CPA6: variants seen among roughly 807,000 people sequenced by gnomAD.
The protein encoded by CPA6 is carboxypeptidase A6.
In CPA6, 58 loss-of-function variants were observed where a neutral mutation model predicts 63.3. The ratio of observed to expected loss-of-function variants is 0.92; its 90% CI spans 0.74 to 1.14. CPA6 has a LOEUF of 1.14. Ranked by LOEUF, CPA6 falls within the 50% of genes most tolerant of loss-of-function variation. The probability of loss-of-function intolerance (pLI) is 0.00; values close to 1 mark genes in which losing one functional copy is unlikely to be tolerated. For missense variants in CPA6, 565 were observed against 526.6 expected (o/e 1.07, Z -0.71); for synonymous variants, 185 against 179.0 (o/e 1.03, Z -0.27).
chr8:67,607,000 T>C (rs982861376), intron 2 of CPA6, among the ~76,000 whole-genome samples: 8 of 152,122 alleles, frequency 5.3e-5, no homozygotes, highest in African/African-American at 1.4e-4. Context: ...GGGCTTCTGG[T>C]TTATTTTCTC....
intron 3 of CPA6, among the ~76,000 whole-genome samples, chr8:67,513,800 T>C (rs1288840021): frequency 2.0e-5 from 3 of 152,186 alleles, no homozygotes; most frequent in Non-Finnish European, 4.4e-5. Flanking sequence ...TAAACTGTTG[T>C]AGTTTCTTAC....
chr8:67,722,511 C>T (rs1046696598), intron 1 of CPA6, among the ~76,000 whole-genome samples: 3 of 152,192 alleles, frequency 2.0e-5, no homozygotes, highest in African/African-American at 7.2e-5. Context: ...TCTGAGCTTA[C>T]ATATCCTATA....
At chr8:67,685,957 T>C (rs1816701117) in intron 1 of CPA6, among the ~76,000 whole-genome samples, 1 of 152,232 alleles carries the variant, frequency 6.6e-6, no homozygotes, top group South Asian at 2.1e-4. Flanking sequence ...CAATCCATCC[T>C]ACCTTTCAAT....
At chr8:67,710,961 T>C (rs1157010657) in intron 1 of CPA6, among the ~76,000 whole-genome samples, 2 of 152,220 alleles carry the variant, frequency 1.3e-5, no homozygotes, top group Non-Finnish European at 2.9e-5. Context: ...TACAAAGTAA[T>C]GCTCTCCATA....
intron 3 of CPA6, among the ~76,000 whole-genome samples, chr8:67,512,075 G>A (rs1458236733): frequency 6.6e-6 from 1 of 152,108 alleles, no homozygotes; most frequent in Non-Finnish European, 1.5e-5. Context: ...TTTATAAAAT[G>A]GGGAAACTGA....
chr8:67,444,762 ACT>A (rs1353606519), intron 8 of CPA6, among the ~76,000 whole-genome samples: 1 of 145,228 alleles, frequency 6.9e-6, no homozygotes, highest in Admixed American at 7.0e-5. Context: ...ACAGAGCGAG[ACT>A]CTGTCTCAAA....
intron 2 of CPA6, among the ~76,000 whole-genome samples, chr8:67,586,059 G>C (rs1430668701): frequency 1.3e-5 from 2 of 152,146 alleles, no homozygotes; most frequent in African/African-American, 4.8e-5. Flanking sequence ...CAAGGGATCT[G>C]GATGAGAATA....
At chr8:67,431,649 T>C (rs1359215063) in intron 9 of CPA6, among the ~76,000 whole-genome samples, 2 of 152,142 alleles carry the variant, frequency 1.3e-5, no homozygotes, top group Admixed American at 1.3e-4. Context: ...GTGATACAAA[T>C]TGTTAGGGTG....
intron 2 of CPA6, among the ~76,000 whole-genome samples, chr8:67,611,381 G>A (rs1343393808): frequency 1.3e-5 from 2 of 152,122 alleles, no homozygotes; most frequent in South Asian, 4.1e-4. Flanking sequence ...ATTACACCAC[G>A]CCCATCCTCG....
At chr8:67,541,735 C>T (rs1488387575) in intron 2 of CPA6, among the ~76,000 whole-genome samples, 1 of 152,176 alleles carries the variant, frequency 6.6e-6, no homozygotes, top group East Asian at 1.9e-4. Context: ...CTCAGGGCTT[C>T]CCTTGGCTAG....
chr8:67,677,791 A>G (rs1816508396), intron 1 of CPA6, among the ~76,000 whole-genome samples: 2 of 152,172 alleles, frequency 1.3e-5, no homozygotes, highest in East Asian at 3.8e-4. Flanking sequence ...AGAAAAATAA[A>G]TATTGACTCT....
At chr8:67,664,441 G>A (rs1052074819) in intron 1 of CPA6, among the ~76,000 whole-genome samples, 2 of 152,196 alleles carry the variant, frequency 1.3e-5, no homozygotes, top group African/African-American at 2.4e-5. Context: ...TAGAATTTTT[G>A]GATTCCATGG....
At chr8:67,455,180 G>T (rs1810643276) in intron 8 of CPA6, among the ~76,000 whole-genome samples, 1 of 152,060 alleles carries the variant, frequency 6.6e-6, no homozygotes, top group South Asian at 2.1e-4. Context: ...AGAATGGAGG[G>T]GTACCAGAAG....
intron 2 of CPA6, among the ~76,000 whole-genome samples, chr8:67,607,696 A>G (rs922777330): frequency 2.6e-5 from 4 of 152,140 alleles, no homozygotes; most frequent in African/African-American, 9.7e-5. Flanking sequence ...TTATCTTCCA[A>G]GTTCAACTGA....
chr8:67,674,733 G>A (rs1008433076), intron 1 of CPA6, among the ~76,000 whole-genome samples: 4 of 152,024 alleles, frequency 2.6e-5, no homozygotes, highest in Admixed American at 6.6e-5. Flanking sequence ...TATGTTTGTC[G>A]CAATGCAATT....
intron 1 of CPA6, among the ~76,000 whole-genome samples, chr8:67,701,356 A>G (rs1246635745): frequency 6.6e-6 from 1 of 152,182 alleles, no homozygotes; most frequent in Non-Finnish European, 1.5e-5. Flanking sequence ...CACGAAGAGT[A>G]TATATGAAAA....
chr8:67,465,224 C>G (rs1255218313), intron 8 of CPA6, among the ~76,000 whole-genome samples: 1 of 152,020 alleles, frequency 6.6e-6, no homozygotes, highest in East Asian at 1.9e-4. Flanking sequence ...AGATCTTTCA[C>G]TTTCTTGATG....
intron 1 of CPA6, among the ~76,000 whole-genome samples, chr8:67,687,389 C>T (rs925471037): frequency 1.3e-5 from 2 of 152,082 alleles, no homozygotes; most frequent in African/African-American, 4.8e-5. Context: ...GTACCAAGAG[C>T]AAAGCAGTGG....
At chr8:67,577,492 C>T (rs147232380) in intron 2 of CPA6, among the ~76,000 whole-genome samples, 31 of 152,194 alleles carry the variant, frequency 2.0e-4, no homozygotes, top group Middle Eastern at 3.4e-3. Flanking sequence ...CTCCCATATA[C>T]TGATTGAAGA....
Sources: gnomAD v4.1 joint callset for allele counts (sites outside exome capture counted in the v4.1 genomes callset) on GRCh38, gnomAD v4.1.1 for gene constraint, MANE v1.5 for transcripts, NCBI Gene and HGNC (gene_info 2026-07-23, HGNC 2026-07-21) for gene names.